AGBL4: variants seen among roughly 807,000 people sequenced by gnomAD.
The protein encoded by AGBL4 is AGBL carboxypeptidase 4, also known as cytosolic carboxypeptidase 6.
Under a neutral mutation model 66.4 loss-of-function variants are expected in AGBL4, and 58 were observed. The ratio of observed to expected loss-of-function variants is 0.87; its 90% CI spans 0.71 to 1.09. The LOEUF (loss-of-function observed/expected upper bound fraction) is 1.09. Ranked by LOEUF, AGBL4 falls within the 50% of genes least tolerant of loss-of-function variation. The pLI is 0.00. For missense variants in AGBL4, 579 were observed against 631.0 expected (o/e 0.92, Z 0.88); for synonymous variants, 234 against 222.9 (o/e 1.05, Z -0.44).
intron 6 of AGBL4, among the ~76,000 whole-genome samples, chr1:48,862,540 C>T (rs1024083778): frequency 8.5e-5 from 13 of 152,248 alleles, no homozygotes; most frequent in African/African-American, 2.9e-4. Context: ...CCAGGATGGT[C>T]TCTATTTCCT....
At chr1:49,500,604 C>A (rs1260158527) in intron 3 of AGBL4, among the ~76,000 whole-genome samples, 4 of 152,006 alleles carry the variant, frequency 2.6e-5, no homozygotes, top group Non-Finnish European at 5.9e-5. Context: ...CGTGTCTTGA[C>A]AATTATCCTA....
rs994425829 is a variant in AGBL4 at position 49,125,046 on chromosome 1, C to A, written c.378-79246G>T. Among the ~76,000 whole-genome samples, 4 of 152,046 alleles carry A rather than the reference C, an allele frequency of 2.6e-5. No individual in the cohort carries two copies. The East Asian group carries it at 7.7e-4, about 29-fold the overall frequency. On this transcript the variant is annotated intron_variant, in intron 4 of 13. Coordinates refer to ENST00000371839, the MANE Select transcript of AGBL4 (RefSeq NM_032785.4). ...CAGATTTGAAAGGGAAACATTTCAC[C>A]AAGTGAATGTGTAAGATACTTTTAA... is the stretch of plus-strand genomic sequence containing the variant.
intron 1 of AGBL4, among the ~76,000 whole-genome samples, chr1:49,980,148 G>T (rs1030441336): frequency 2.0e-5 from 3 of 152,088 alleles, no homozygotes. Context: ...TTTTGGGGGG[G>T]TCTAAAGTTA....
At chr1:49,855,474 C>G (rs951325631) in intron 1 of AGBL4, among the ~76,000 whole-genome samples, 3 of 152,170 alleles carry the variant, frequency 2.0e-5, no homozygotes, top group African/African-American at 4.8e-5. Context: ...GCACATGGAA[C>G]AGTTTCATGG....
At chr1:49,125,474 G>T (rs146577522) in intron 4 of AGBL4, among the ~76,000 whole-genome samples, 1 of 152,058 alleles carries the variant, frequency 6.6e-6, no homozygotes, top group Non-Finnish European at 1.5e-5. Context: ...TGGCTGCTTC[G>T]CAAGGAGAAC....
At chr1:49,741,615 C>T (rs924341451) in intron 2 of AGBL4, among the ~76,000 whole-genome samples, 1 of 152,098 alleles carries the variant, frequency 6.6e-6, no homozygotes, top group Admixed American at 6.5e-5. Context: ...AATCATAGAC[C>T]AATATCCCTG....
intron 9 of AGBL4, among the ~76,000 whole-genome samples, chr1:48,601,547 G>A (rs1246422607): frequency 6.6e-6 from 1 of 152,126 alleles, no homozygotes; most frequent in African/African-American, 2.4e-5. Flanking sequence ...AGGAGCTTGG[G>A]GACAAGCTTA....
chr1:48,785,792 G>T (rs1288513324), intron 6 of AGBL4, among the ~76,000 whole-genome samples: 1 of 152,056 alleles, frequency 6.6e-6, no homozygotes, highest in Non-Finnish European at 1.5e-5. Flanking sequence ...TGTTGTTGTT[G>T]GCTGGAAGTC....
At chr1:49,289,547 G>C (rs1557809924) in intron 3 of AGBL4, among the ~76,000 whole-genome samples, 1 of 152,122 alleles carries the variant, frequency 6.6e-6, no homozygotes, top group African/African-American at 2.4e-5. Flanking sequence ...TCAAATAGTG[G>C]TTACATGTCT....
chr1:49,902,364 C>T (rs1649840780), intron 1 of AGBL4, among the ~76,000 whole-genome samples: 1 of 152,144 alleles, frequency 6.6e-6, no homozygotes, highest in Non-Finnish European at 1.5e-5. Context: ...CCATTAAAAA[C>T]TGGGCAAAGG....
At chr1:49,083,033 G>C (rs1474535904) in intron 4 of AGBL4, among the ~76,000 whole-genome samples, 4 of 152,210 alleles carry the variant, frequency 2.6e-5, no homozygotes, top group African/African-American at 9.6e-5. Context: ...TCACATTCAG[G>C]TCATGCTGAT....
chr1:48,874,356 T>G (rs1272789186), intron 5 of AGBL4, among the ~76,000 whole-genome samples: 1 of 152,098 alleles, frequency 6.6e-6, no homozygotes, highest in Non-Finnish European at 1.5e-5. Flanking sequence ...CTGGATATAT[T>G]TTATGTGGGA....
intron 11 of AGBL4, among the ~76,000 whole-genome samples, chr1:48,582,936 C>T (rs1359915323): frequency 2.6e-5 from 4 of 152,276 alleles, no homozygotes; most frequent in East Asian, 3.9e-4. Flanking sequence ...TGTGGAGCGG[C>T]GGACACTATT....
intron 2 of AGBL4, among the ~76,000 whole-genome samples, chr1:49,749,355 A>T (rs938850603): frequency 5.9e-5 from 9 of 152,264 alleles, no homozygotes; most frequent in Admixed American, 5.9e-4. Flanking sequence ...GTTCTGTCCC[A>T]TTGGTCTACA....
chr1:49,943,853 T>C (rs1015107585), intron 1 of AGBL4, among the ~76,000 whole-genome samples: 5 of 152,026 alleles, frequency 3.3e-5, no homozygotes, highest in African/African-American at 1.2e-4. Context: ...AAAGCCCTAC[T>C]TGCTTTCACA....
chr1:48,682,104 T>C (rs940029990), intron 6 of AGBL4, among the ~76,000 whole-genome samples: 1 of 152,148 alleles, frequency 6.6e-6, no homozygotes, highest in Admixed American at 6.5e-5. Context: ...GGAGTGGCCA[T>C]GTGAGGACAG....
At chr1:48,774,597 T>A (rs943223305) in intron 6 of AGBL4, among the ~76,000 whole-genome samples, 1 of 152,152 alleles carries the variant, frequency 6.6e-6, no homozygotes, top group African/African-American at 2.4e-5. Context: ...GATGCTTGGG[T>A]TTTTTAAATA....
At chr1:49,021,228 C>G (rs1663220932) in intron 5 of AGBL4, among the ~76,000 whole-genome samples, 1 of 152,100 alleles carries the variant, frequency 6.6e-6, no homozygotes, top group Non-Finnish European at 1.5e-5. Context: ...GTTAGTGAAC[C>G]CAAGCCCTGG....
intron 1 of AGBL4, among the ~76,000 whole-genome samples, chr1:50,011,655 G>C (rs1661542273): frequency 6.6e-6 from 1 of 152,108 alleles, no homozygotes; most frequent in Non-Finnish European, 1.5e-5. Flanking sequence ...CAGATGAATG[G>C]ATAAAGAAAA....
Sources: allele counts gnomAD v4.1 joint callset (sites outside exome capture counted in the v4.1 genomes callset), GRCh38; gene constraint gnomAD v4.1.1; transcripts MANE v1.5; gene names NCBI Gene and HGNC (gene_info 2026-07-23, HGNC 2026-07-21).